Variants in SAMD4A observed in about 807,000 individuals in gnomAD.
The protein encoded by SAMD4A is sterile alpha motif domain containing 4A.
In SAMD4A, 33 loss-of-function variants were observed where a neutral mutation model predicts 81.3. The observed-to-expected ratio is 0.41, with a 90% confidence interval of 0.31 to 0.54. The LOEUF (loss-of-function observed/expected upper bound fraction) is 0.54. Ranked by LOEUF, SAMD4A falls within the 20% of genes least tolerant of loss-of-function variation. SAMD4A has a pLI of 0.37. For synonymous variants in SAMD4A, 389 were observed against 382.1 expected, an observed-to-expected ratio of 1.02 and a Z score of -0.21; for missense variants, 854 against 951.1, an observed-to-expected ratio of 0.90 and a Z score of 1.34.
chr14:54,766,308 C>T (rs934215237), intron 8 of SAMD4A, among the ~76,000 whole-genome samples: 2 of 152,150 alleles, frequency 1.3e-5, no homozygotes, highest in South Asian at 4.1e-4. Context: ...CTCGTCCATT[C>T]CCTAGATACT....
At chr14:54,778,262 T>A (rs1404002106) in intron 11 of SAMD4A, among the ~76,000 whole-genome samples, 1 of 152,202 alleles carries the variant, frequency 6.6e-6, no homozygotes, top group Non-Finnish European at 1.5e-5. Context: ...GAAGACTAGG[T>A]CCAGACAGTC....
intron 2 of SAMD4A, among the ~76,000 whole-genome samples, chr14:54,618,935 A>G (rs1015110334): frequency 2.6e-4 from 39 of 152,228 alleles, no homozygotes; most frequent in Admixed American, 2.0e-3. Context: ...TAGGACTAGC[A>G]TCATAAAAAA....
intron 2 of SAMD4A, among the ~76,000 whole-genome samples, chr14:54,697,911 C>T (rs888404636): frequency 2.0e-5 from 3 of 152,200 alleles, no homozygotes; most frequent in African/African-American, 7.2e-5. Context: ...CTACAAGGAC[C>T]TCCCCATTGG....
rs533351802 is a variant in SAMD4A, at chr14:54,776,272, G to A, written c.1918-142G>A. On this transcript the variant is annotated intron_variant, in intron 10 of 12. Transcript: ENST00000554335. ...TAAACCCTCTCTCTATAAATAAGCA[G>A]ATGCTAGCACTGGCCTGCAAGCCCC... 7.6e-6 allele frequency: 6 copies of A among 784,874 alleles called. No individual in the cohort carries two copies. In the South Asian group the frequency reaches 1.0e-4, roughly 13 times the overall value. 48.6% of individuals were successfully genotyped at this position (784,874 alleles called of 1,614,324 possible). A position where few individuals can be genotyped will look rare whatever the true frequency, so the allele number is the denominator to read the frequency against.
At chr14:54,670,341 C>T (rs1442578559) in intron 2 of SAMD4A, among the ~76,000 whole-genome samples, 1 of 152,174 alleles carries the variant, frequency 6.6e-6, no homozygotes, top group Non-Finnish European at 1.5e-5. Context: ...TAGCTTTTCA[C>T]ATAAAAGACC....
Position 54,774,983 on chromosome 14 carries a change from G to A in SAMD4A, c.1765G>A (p.Gly589Ser), listed in dbSNP as rs146544914. Residue 589 changes from glycine (G) to serine (S), a missense_variant, in exon 10 of 13, where the codon GGT becomes AGT. Physicochemically the swap from Gly to Ser is moderately conservative, Grantham distance 56. Around this residue, in one of 3 missense-constraint regions of SAMD4A, gnomAD observed 428 missense variants for 471.2 expected, o/e 0.91. Transcript: ENST00000554335. ...CCTCCCGACGGCTGGCTCTGTGGGC[G>A]GTGGCATGGGCAGACGGAACCCGCG... ...NSLPTAGSVG[G>S]GMGRRNPRQY... 4.5e-5 allele frequency: 73 copies of A among 1,614,050 alleles called. No homozygotes were observed. Among genetic ancestry groups the A allele is most frequent in the Middle Eastern group, 1.6e-4 (1 of 6,084 alleles).
intron 2 of SAMD4A, among the ~76,000 whole-genome samples, chr14:54,580,918 T>C (rs1010196570): frequency 1.3e-5 from 2 of 152,150 alleles, no homozygotes; most frequent in Admixed American, 1.3e-4. Context: ...ACCATCTAGG[T>C]TGTGAGATAA....
intron 2 of SAMD4A, among the ~76,000 whole-genome samples, chr14:54,603,088 A>G (rs573051141): frequency 2.1e-4 from 32 of 152,250 alleles, no homozygotes; most frequent in African/African-American, 7.0e-4. Flanking sequence ...TGCCCACCCC[A>G]GTGGTGGATG....
Position 54,626,073 on chromosome 14 carries a change from C to T in SAMD4A, c.196+57961C>T, listed in dbSNP as rs1466619025. 3.6e-3 allele frequency among the ~76,000 whole-genome samples: 402 copies of T among 111,486 alleles called. 2 individuals carry two copies. Among genetic ancestry groups the T allele is most frequent in the Middle Eastern group, 0.017 (3 of 176 alleles). The allele number at this position is 111,486 out of a possible 152,430, so 73.1% of individuals were successfully genotyped here. On this transcript the variant is annotated intron_variant, in intron 2 of 12. Transcript: ENST00000554335. The stretch of plus-strand genomic sequence containing the variant: ...GTGTGTGTGTGTGCGCGCGCGCGCG[C>T]GCGAGTGCGCACATGTGCATGCATG...
At chr14:54,653,301 A>ATAT (rs71448404) in intron 2 of SAMD4A, among the ~76,000 whole-genome samples, 2,254 of 130,362 alleles carry the variant, frequency 0.017, 25 homozygotes, top group Middle Eastern at 0.024. Flanking sequence ...CTTCCTCTTA[A>ATAT]TATTATTATT....
intron 2 of SAMD4A, among the ~76,000 whole-genome samples, chr14:54,686,811 G>A (rs1201159280): frequency 6.6e-6 from 1 of 152,170 alleles, no homozygotes; most frequent in Admixed American, 6.5e-5. Context: ...TCACATGGGG[G>A]ACAGTTGGGG....
At chr14:54,788,621 A>C (rs1272686601) in intron 12 of SAMD4A, among the ~76,000 whole-genome samples, 4 of 152,206 alleles carry the variant, frequency 2.6e-5, no homozygotes, top group African/African-American at 9.6e-5. Context: ...AGCAGTGATC[A>C]CATATAGCAT....
chr14:54,590,266 A>T lies in SAMD4A; in HGVS notation c.196+22154A>T, dbSNP rs1448027023. Among the ~76,000 whole-genome samples, 4 of 152,150 alleles carry T rather than the reference A, an allele frequency of 2.6e-5. No individual in the cohort carries two copies. In the East Asian group the frequency reaches 5.8e-4, roughly 22 times the overall value. The stretch of plus-strand genomic sequence containing the variant: ...CATTTTGGGAGGCCAACATAGGAGG[A>T]TTGCTTGAGCCCAGGAGTTCAAGAC... On this transcript the variant is annotated intron_variant, in intron 2 of 12. Transcript: ENST00000554335.
intron 2 of SAMD4A, among the ~76,000 whole-genome samples, chr14:54,660,681 T>C (rs907949345): frequency 6.6e-6 from 1 of 151,998 alleles, no homozygotes; most frequent in African/African-American, 2.4e-5. Context: ...AACTTGAAAG[T>C]TTAAAAAAAA....
chr14:54,580,768 A>G (rs1003534426), intron 2 of SAMD4A, among the ~76,000 whole-genome samples: 1 of 152,168 alleles, frequency 6.6e-6, no homozygotes, highest in African/African-American at 2.4e-5. Context: ...CTATCTGATT[A>G]CCCTGTGCCT....
intron 2 of SAMD4A, chr14:54,694,857 A>G: frequency 4.1e-6 from 4 of 985,560 alleles, no homozygotes; most frequent in East Asian, 2.3e-4. Context: ...CTGTGCCGGT[A>G]CCTGGGGAAA....
chr14:54,654,838 C>T (rs2035483853), intron 2 of SAMD4A, among the ~76,000 whole-genome samples: 1 of 152,186 alleles, frequency 6.6e-6, no homozygotes, highest in Admixed American at 6.5e-5. Context: ...CATCCCTGCC[C>T]CTGTTTCCAG....
At chr14:54,652,347 G>C (rs946784332) in intron 2 of SAMD4A, among the ~76,000 whole-genome samples, 1 of 152,174 alleles carries the variant, frequency 6.6e-6, no homozygotes, top group Non-Finnish European at 1.5e-5. Context: ...TGTCATTTGG[G>C]ATCTTCTGAA....
chr14:54,620,104 G>A (rs2034580508), intron 2 of SAMD4A, among the ~76,000 whole-genome samples: 5 of 151,814 alleles, frequency 3.3e-5, no homozygotes, highest in Admixed American at 3.3e-4. Flanking sequence ...GCCTGTGTGA[G>A]CCTTATATAC....
Sources: allele counts gnomAD v4.1 joint callset (sites outside exome capture counted in the v4.1 genomes callset), GRCh38; gene constraint gnomAD v4.1.1; regional missense constraint gnomAD v4.1.1; transcripts MANE v1.5; gene names NCBI Gene and HGNC (gene_info 2026-07-23, HGNC 2026-07-21).